The following MITF variants were observed in gnomAD, a reference collection of about 807,000 sequenced individuals.
MITF encodes microphthalmia-associated transcription factor.
MITF carries 17 observed loss-of-function variants against 60.5 expected under a neutral mutation model. That is an observed-to-expected ratio of 0.28 (90% CI 0.19 to 0.42). The LOEUF (loss-of-function observed/expected upper bound fraction) is 0.42, where lower values mean the gene tolerates loss of function less well. Ranked by LOEUF, MITF falls within the 10% of genes least tolerant of loss-of-function variation. The pLI, the probability that MITF is intolerant of heterozygous loss-of-function variation, is 1.00. For missense variants in MITF, 622 were observed against 683.5 expected (o/e 0.91, Z 1.00); for synonymous variants, 260 against 248.5 (o/e 1.05, Z -0.43).
intron 2 of MITF, among the ~76,000 whole-genome samples, chr3:69,897,591 T>A (rs2064904481): frequency 6.6e-6 from 1 of 152,200 alleles, no homozygotes; most frequent in Non-Finnish European, 1.5e-5. Context: ...ATGACAGATT[T>A]AAGTAGTACA....
chr3:69,819,765 C>T (rs1262476025), intron 1 of MITF, among the ~76,000 whole-genome samples: 1 of 152,026 alleles, frequency 6.6e-6, no homozygotes, highest in East Asian at 1.9e-4. Context: ...AGTTCCAGAC[C>T]AGCCTGGCCA....
chr3:69,913,399 A>T (rs946940416), intron 2 of MITF, among the ~76,000 whole-genome samples: 2 of 152,164 alleles, frequency 1.3e-5, no homozygotes, highest in Admixed American at 1.3e-4. Context: ...CACGTCATGT[A>T]TTGCATTTCA....
intron 9 of MITF, among the ~76,000 whole-genome samples, chr3:69,960,940 C>A (rs543237939): frequency 1.5e-3 from 229 of 152,302 alleles, no homozygotes; most frequent in Non-Finnish European, 2.6e-3. Context: ...ATTTTAGATT[C>A]TGGGTAGTGA....
chr3:69,798,277 G>C (rs978482789), intron 1 of MITF, among the ~76,000 whole-genome samples: 5 of 152,190 alleles, frequency 3.3e-5, no homozygotes, highest in Admixed American at 1.3e-4. Context: ...TGTATTAGTG[G>C]AAGCCAGGCA....
chr3:69,918,365 A>G (rs2065384706), intron 2 of MITF, among the ~76,000 whole-genome samples: 2 of 152,166 alleles, frequency 1.3e-5, no homozygotes. Context: ...TATTTTTAAT[A>G]AGGAAAGTAA....
At chr3:69,763,274 A>ATGTCCTTGCGTCC (rs2062237436) in intron 1 of MITF, among the ~76,000 whole-genome samples, 1 of 152,190 alleles carries the variant, frequency 6.6e-6, no homozygotes, top group Non-Finnish European at 1.5e-5. Context: ...TTTTCATCAG[A>ATGTCCTTGCGTCC]TGTCCTTGCG....
At chr3:69,749,861 A>G (rs1210813858) in intron 1 of MITF, among the ~76,000 whole-genome samples, 1 of 152,186 alleles carries the variant, frequency 6.6e-6, no homozygotes, top group African/African-American at 2.4e-5. Context: ...GTAGGTACAC[A>G]CTAATAATAT....
chr3:69,901,581 A>G (rs1165255031), intron 2 of MITF, among the ~76,000 whole-genome samples: 3 of 151,882 alleles, frequency 2.0e-5, no homozygotes, highest in African/African-American at 7.3e-5. Context: ...GAAGTTTCCT[A>G]TTGCTTATTT....
Position 69,739,580 on chromosome 3 carries a change from G to T in MITF, c.-18G>T. 6.4e-7 allele frequency: 1 copy of T among 1,558,040 alleles called. No individual in the cohort carries two copies. On this transcript the variant is annotated 5_prime_UTR_variant, in exon 1 of 10. It adds an upstream start codon to the 5' untranslated region. Coordinates refer to ENST00000352241, the MANE Select transcript of MITF (RefSeq NM_001354604.2). ...CTGTTCTCACTTTCCAGCAGTGGAA[G>T]GACGGGAAGCGGGAGCCATGCAGTC...
intron 2 of MITF, among the ~76,000 whole-genome samples, chr3:69,932,816 G>A (rs962820034): frequency 2.6e-5 from 4 of 152,154 alleles, no homozygotes; most frequent in Non-Finnish European, 4.4e-5. Context: ...CTGTTTTACC[G>A]CTTTTTTCAG....
At chr3:69,955,989 C>A (rs952610084) in intron 7 of MITF, among the ~76,000 whole-genome samples, 2 of 152,124 alleles carry the variant, frequency 1.3e-5, no homozygotes, top group Non-Finnish European at 1.5e-5. Context: ...TGTTTTCCCT[C>A]CGCTTAAGTA....
chr3:69,946,958 TTC>T (rs1359771807), intron 5 of MITF, among the ~76,000 whole-genome samples: 5 of 152,100 alleles, frequency 3.3e-5, no homozygotes, highest in Admixed American at 3.3e-4. Context: ...GCAGAAAGCA[TTC>T]TCTCTCTCAG....
chr3:69,822,940 C>T (rs2107057940), intron 1 of MITF, among the ~76,000 whole-genome samples: 1 of 151,448 alleles, frequency 6.6e-6, no homozygotes, highest in Admixed American at 6.6e-5. Flanking sequence ...CACTCTGTCA[C>T]CCAGGGTGAG....
intron 1 of MITF, among the ~76,000 whole-genome samples, chr3:69,759,081 C>A (rs1157941260): frequency 6.6e-6 from 1 of 152,160 alleles, no homozygotes; most frequent in Non-Finnish European, 1.5e-5. Context: ...GCTACAAATA[C>A]CGAATTAGCA....
At chr3:69,849,218 C>A (rs987958215) in intron 1 of MITF, among the ~76,000 whole-genome samples, 1 of 152,146 alleles carries the variant, frequency 6.6e-6, no homozygotes, top group Non-Finnish European at 1.5e-5. Context: ...CCCGCCTCGG[C>A]CTCCCAAAGT....
chr3:69,929,950 A>G (rs2065680627), intron 2 of MITF, among the ~76,000 whole-genome samples: 1 of 152,204 alleles, frequency 6.6e-6, no homozygotes, highest in Non-Finnish European at 1.5e-5. Context: ...GATTTGTAGA[A>G]TGAGCAACTA....
rs112128068 is a variant in MITF at position 69,754,625 on chromosome 3, CT to C, written c.104+14938del. Among the ~76,000 whole-genome samples, 473 of 144,102 alleles carry C rather than the reference CT, an allele frequency of 3.3e-3. 1 individual carries two copies. The highest frequency in any genetic ancestry group is 0.011 in the Middle Eastern group (3 of 284). The allele number at this position is 144,102 out of a possible 152,430, so 94.5% of individuals were successfully genotyped here. A position where few individuals can be genotyped will look rare whatever the true frequency, so the allele number is the denominator to read the frequency against. On this transcript the variant is annotated intron_variant, in intron 1 of 9. Coordinates refer to ENST00000352241, the MANE Select transcript of MITF (RefSeq NM_001354604.2). ...AGAACAGTGAACCAATTACATCTCTCTTTTTTTTTTTTTTGAAATAAATTAC... is the reference window on the plus strand; with the variant it reads ...AGAACAGTGAACCAATTACATCTCTCTTTTTTTTTTTTTGAAATAAATTAC...
In MITF at chr3:69,813,491, G is replaced by A. The variant is rs1047416792; in HGVS notation, c.105-65643G>A. Among the ~76,000 whole-genome samples, 4 of 152,108 alleles carry A rather than the reference G, an allele frequency of 2.6e-5. 1 individual carries two copies. Among genetic ancestry groups the A allele is most frequent in the Non-Finnish European group, 5.9e-5 (4 of 68,012 alleles). On this transcript the variant is annotated intron_variant, in intron 1 of 9. Transcript: ENST00000352241. Reference sequence around the variant, plus strand: ...AGAGTTTACTGCTGGAAAGACCTAGGCCAACTTTCCTTGCATTCCAAACTG... The same window carrying A: ...AGAGTTTACTGCTGGAAAGACCTAGACCAACTTTCCTTGCATTCCAAACTG...
chr3:69,911,312 C>T (rs1257875599), intron 2 of MITF, among the ~76,000 whole-genome samples: 1 of 152,036 alleles, frequency 6.6e-6, no homozygotes, highest in African/African-American at 2.4e-5. Flanking sequence ...AGCATGAAAA[C>T]GGACCAGTAT....
Sources: gnomAD v4.1 joint callset for allele counts (sites outside exome capture counted in the v4.1 genomes callset) on GRCh38, gnomAD v4.1.1 for gene constraint, MANE v1.5 for transcripts, NCBI Gene and HGNC (gene_info 2026-07-23, HGNC 2026-07-21) for gene names.